NTRK3: variants seen among roughly 807,000 people sequenced by gnomAD.
The protein encoded by NTRK3 is neurotrophic receptor tyrosine kinase 3.
In NTRK3, 24 loss-of-function variants were observed where a neutral mutation model predicts 91.7. The observed-to-expected ratio is 0.26, with a 90% confidence interval of 0.19 to 0.37. NTRK3 has a LOEUF of 0.37. Among genes scored for constraint, NTRK3 ranks in the 10% least tolerant of loss-of-function variants. NTRK3 has a pLI of 1.00. For missense variants in NTRK3, 880 were observed against 1,068.9 expected (o/e 0.82, Z 2.46); for synonymous variants, 483 against 404.0 (o/e 1.20, Z -2.34).
At chr15:88,168,587 G>A (rs951008985) in intron 5 of NTRK3, among the ~76,000 whole-genome samples, 9 of 152,246 alleles carry the variant, frequency 5.9e-5, no homozygotes, top group South Asian at 2.1e-4. Flanking sequence ...TGGCATCAGC[G>A]AAGGTTTCTG....
chr15:88,035,690 C>T (rs949583088), intron 13 of NTRK3, among the ~76,000 whole-genome samples: 6 of 152,054 alleles, frequency 3.9e-5, no homozygotes, highest in Admixed American at 6.5e-5. Context: ...AGCAAAGCTC[C>T]GGCATGGGAG....
intron 5 of NTRK3, among the ~76,000 whole-genome samples, chr15:88,155,805 C>CACCT (rs2043833983): frequency 6.6e-6 from 1 of 150,560 alleles, no homozygotes; most frequent in Non-Finnish European, 1.5e-5. Context: ...TGTAATCTAT[C>CACCT]ATCTATCTAT....
intron 6 of NTRK3, among the ~76,000 whole-genome samples, chr15:88,143,186 G>A (rs2042555741): frequency 6.6e-6 from 1 of 152,210 alleles, no homozygotes; most frequent in South Asian, 2.1e-4. Flanking sequence ...TCATGCCTCT[G>A]CACTCTAGCC....
chr15:88,052,824 G>T (rs764604134), intron 13 of NTRK3, among the ~76,000 whole-genome samples: 1 of 152,092 alleles, frequency 6.6e-6, no homozygotes, highest in African/African-American at 2.4e-5. Context: ...CTCACCCATC[G>T]AACAGGTTGT....
chr15:87,930,044 C>T (rs527809202), intron 16 of NTRK3, among the ~76,000 whole-genome samples: 3 of 152,156 alleles, frequency 2.0e-5, no homozygotes, highest in Non-Finnish European at 4.4e-5. Flanking sequence ...GCTAGGTGAG[C>T]TTGCTCATTT....
intron 16 of NTRK3, among the ~76,000 whole-genome samples, chr15:87,932,065 T>A (rs940214316): frequency 7.2e-5 from 11 of 152,178 alleles, no homozygotes; most frequent in Admixed American, 5.9e-4. Context: ...GGAAGTGGCA[T>A]CTGCAGAAGG....
At chr15:87,879,433 C>T (rs1448720465) in intron 18 of NTRK3, among the ~76,000 whole-genome samples, 1 of 152,216 alleles carries the variant, frequency 6.6e-6, no homozygotes, top group Non-Finnish European at 1.5e-5. Context: ...TGAGAAGCAT[C>T]TTGATGGGCT....
chr15:88,058,319 G>A (rs2045909368), intron 13 of NTRK3, among the ~76,000 whole-genome samples: 1 of 152,184 alleles, frequency 6.6e-6, no homozygotes, highest in African/African-American at 2.4e-5. Context: ...ACGTCTCTCA[G>A]TTTTTTCACC....
chr15:88,161,830 C>T (rs2044481885), intron 5 of NTRK3, among the ~76,000 whole-genome samples: 1 of 152,146 alleles, frequency 6.6e-6, no homozygotes, highest in African/African-American at 2.4e-5. Flanking sequence ...CCACAGAGGT[C>T]GGCCTTTTGG....
chr15:87,888,795 A>G (rs939952846), intron 17 of NTRK3, among the ~76,000 whole-genome samples: 6 of 152,204 alleles, frequency 3.9e-5, no homozygotes, highest in East Asian at 3.9e-4. Flanking sequence ...CTAAAATTCA[A>G]ATTTAGCAAG....
intron 14 of NTRK3, among the ~76,000 whole-genome samples, chr15:88,006,331 C>T (rs920778709): frequency 1.3e-5 from 2 of 152,220 alleles, no homozygotes; most frequent in African/African-American, 4.8e-5. Context: ...TAATATCTTA[C>T]ACGTCTCAGG....
intron 3 of NTRK3, among the ~76,000 whole-genome samples, chr15:88,247,210 T>G (rs2141967233): frequency 6.6e-6 from 1 of 152,170 alleles, no homozygotes. Flanking sequence ...GTTCTCCTCT[T>G]CTCTGCAGCA....
At chr15:87,923,940 G>C (rs565277121) in intron 17 of NTRK3, among the ~76,000 whole-genome samples, 2 of 152,112 alleles carry the variant, frequency 1.3e-5, no homozygotes, top group African/African-American at 4.8e-5. Context: ...ACCAGATGAG[G>C]CCCCTCGATC....
At chr15:88,174,914 C>T (rs1311631232) in intron 5 of NTRK3, among the ~76,000 whole-genome samples, 7 of 152,246 alleles carry the variant, frequency 4.6e-5, no homozygotes, top group Admixed American at 4.6e-4. Flanking sequence ...CACCAACAAC[C>T]CATAGCCACT....
At chr15:88,089,819 G>A (rs191183009) in intron 13 of NTRK3, among the ~76,000 whole-genome samples, 1 of 152,274 alleles carries the variant, frequency 6.6e-6, no homozygotes, top group Admixed American at 6.5e-5. Context: ...ATACAGGTCT[G>A]CTCATGCCCT....
intron 14 of NTRK3, among the ~76,000 whole-genome samples, chr15:87,985,216 C>A (rs78213033): frequency 0.03 from 4,536 of 152,248 alleles, 245 homozygotes; most frequent in African/African-American, 0.1. Context: ...CAACAGGACA[C>A]CATGCTGAAG....
chr15:88,160,175 G>A (rs907592375), intron 5 of NTRK3, among the ~76,000 whole-genome samples: 2 of 152,302 alleles, frequency 1.3e-5, no homozygotes, highest in Admixed American at 6.5e-5. Flanking sequence ...TGGAGCTGGG[G>A]AACCCAGAGG....
In NTRK3 at chr15:87,898,823, TA is replaced by T. The variant is rs34425235; in HGVS notation, c.2134-18396del. 9.6e-3 allele frequency among the ~76,000 whole-genome samples: 995 copies of T among 103,938 alleles called. 11 individuals are homozygous for T. The highest frequency in any genetic ancestry group is 0.034 in the African/African-American group (873 of 25,734). 68.2% of individuals were successfully genotyped at this position (103,938 alleles called of 152,430 possible). A position where few individuals can be genotyped will look rare whatever the true frequency, so the allele number is the denominator to read the frequency against. On this transcript the variant is annotated intron_variant, in intron 17 of 18. Coordinates refer to ENST00000394480, the Ensembl canonical transcript of NTRK3. ...CAACACAGTGAAACTCTGTCTCTAC[TA>T]AAAAAAAAAAAAAAAAAAAAATACA...
chr15:87,943,307 G>C (rs2142043689), intron 14 of NTRK3, among the ~76,000 whole-genome samples: 1 of 152,234 alleles, frequency 6.6e-6, no homozygotes, highest in South Asian at 2.1e-4. Context: ...GTTTAGCCAT[G>C]CCTCACTTCC....
Sources: allele counts gnomAD v4.1 joint callset (sites outside exome capture counted in the v4.1 genomes callset), GRCh38; gene constraint gnomAD v4.1.1; transcripts MANE v1.5; gene names NCBI Gene and HGNC (gene_info 2026-07-23, HGNC 2026-07-21).